ARHGAP26: variants seen among roughly 807,000 people sequenced by gnomAD.
ARHGAP26 encodes rho GTPase-activating protein 26.
In ARHGAP26, 38 loss-of-function variants were observed where a neutral mutation model predicts 104.8. That is an observed-to-expected ratio of 0.36 (90% confidence interval 0.28 to 0.48). The LOEUF is 0.48. Ranked by LOEUF, ARHGAP26 falls within the 20% of genes least tolerant of loss-of-function variation. ARHGAP26 has a pLI of 0.99. For synonymous variants in ARHGAP26, 341 were observed against 340.0 expected (o/e 1.00, Z -0.03); for missense variants, 704 against 947.9 (o/e 0.74, Z 3.38).
intron 17 of ARHGAP26, among the ~76,000 whole-genome samples, chr5:143,114,925 G>A (rs748103170): frequency 3.9e-5 from 6 of 152,186 alleles, no homozygotes; most frequent in Non-Finnish European, 7.3e-5. Flanking sequence ...GGGCAGGCTA[G>A]GGGCATGATG....
At chr5:142,841,521 C>G (rs1770796173) in intron 1 of ARHGAP26, among the ~76,000 whole-genome samples, 1 of 152,210 alleles carries the variant, frequency 6.6e-6, no homozygotes, top group Non-Finnish European at 1.5e-5. Context: ...GAATCCTTTA[C>G]CCTAGCTGGA....
chr5:142,998,352 G>C (rs551189683), intron 11 of ARHGAP26, among the ~76,000 whole-genome samples: 11 of 152,150 alleles, frequency 7.2e-5, no homozygotes, highest in African/African-American at 2.7e-4. Context: ...TATCAAGCAC[G>C]ATAGGAAAGG....
chr5:143,088,579 A>T (rs1790937785), intron 17 of ARHGAP26, among the ~76,000 whole-genome samples: 1 of 152,226 alleles, frequency 6.6e-6, no homozygotes, highest in South Asian at 2.1e-4. Flanking sequence ...GACTGAAAAA[A>T]ACTCATGATA....
intron 11 of ARHGAP26, among the ~76,000 whole-genome samples, chr5:142,968,462 C>G (rs1771746458): frequency 6.6e-6 from 1 of 152,084 alleles, no homozygotes; most frequent in African/African-American, 2.4e-5. Context: ...TTTTAACATA[C>G]AAATATTAGA....
intron 1 of ARHGAP26, among the ~76,000 whole-genome samples, chr5:142,839,422 T>C (rs1770289234): frequency 6.6e-6 from 1 of 152,220 alleles, no homozygotes; most frequent in African/African-American, 2.4e-5. Flanking sequence ...AGCGGTCATA[T>C]AACTTGCCCA....
intron 20 of ARHGAP26, among the ~76,000 whole-genome samples, chr5:143,202,078 C>T (rs1241121313): frequency 1.3e-5 from 2 of 152,160 alleles, no homozygotes; most frequent in Non-Finnish European, 2.9e-5. Flanking sequence ...TAAGAACTTG[C>T]TTTATGAATC....
At position 142,938,774 on chromosome 5, in the gene ARHGAP26, G is replaced by C. The variant is rs75802859; in HGVS notation, c.1107+6649G>C. Among the ~76,000 whole-genome samples the C allele has an allele frequency of 1.0e-2, 1,522 of 152,252 alleles. 22 individuals are homozygous for C. Among genetic ancestry groups the C allele is most frequent in the African/African-American group, 0.035 (1,438 of 41,540 alleles). On this transcript the variant is annotated intron_variant, in intron 11 of 22. Coordinates refer to ENST00000645722, the MANE Select transcript of ARHGAP26 (RefSeq NM_001135608.3). ...CCATATATCCCCTTAGCTGTGATTAGTGGTGTCTTTCTGCAACTGCTTATA... is the reference window on the plus strand; with the variant it reads ...CCATATATCCCCTTAGCTGTGATTACTGGTGTCTTTCTGCAACTGCTTATA...
chr5:142,956,381 G>T (rs980338492), intron 11 of ARHGAP26, among the ~76,000 whole-genome samples: 1 of 152,074 alleles, frequency 6.6e-6, no homozygotes, highest in Non-Finnish European at 1.5e-5. Flanking sequence ...TTCAAGACCA[G>T]ACTGGACAAC....
chr5:143,095,748 T>G (rs531992517), intron 17 of ARHGAP26, among the ~76,000 whole-genome samples: 128 of 152,336 alleles, frequency 8.4e-4, no homozygotes, highest in African/African-American at 3.0e-3. Flanking sequence ...AATTTTTGTA[T>G]TTTTGGTAGA....
chr5:143,072,467 C>A (rs956420768), intron 17 of ARHGAP26, among the ~76,000 whole-genome samples: 12 of 152,274 alleles, frequency 7.9e-5, no homozygotes, highest in African/African-American at 2.6e-4. Context: ...GTTTCTTGCA[C>A]CACTATTCAT....
chr5:142,801,294 T>C (rs1020467479), intron 1 of ARHGAP26, among the ~76,000 whole-genome samples: 2 of 152,218 alleles, frequency 1.3e-5, no homozygotes, highest in African/African-American at 4.8e-5. Flanking sequence ...AGTGCTGCAC[T>C]GTGGGATAAT....
At chr5:143,048,149 A>G (rs1784483846) in intron 14 of ARHGAP26, among the ~76,000 whole-genome samples, 2 of 151,376 alleles carry the variant, frequency 1.3e-5, no homozygotes. Flanking sequence ...CGCACCTGGC[A>G]GTGTGTTCCT....
intron 19 of ARHGAP26, among the ~76,000 whole-genome samples, chr5:143,143,161 G>T (rs890928428): frequency 6.0e-4 from 92 of 152,098 alleles, no homozygotes; most frequent in Non-Finnish European, 1.2e-3. Context: ...TCCCATGCAT[G>T]GGGGGAAACC....
chr5:143,004,016 A>AC (rs1181321286), intron 11 of ARHGAP26, among the ~76,000 whole-genome samples: 2 of 42,840 alleles, frequency 4.7e-5, no homozygotes, highest in Admixed American at 2.7e-4. Flanking sequence ...AAATTTATAG[A>AC]CAAAAAAAAA....
chr5:143,060,458 G>A (rs948255954), intron 17 of ARHGAP26, among the ~76,000 whole-genome samples: 1 of 152,044 alleles, frequency 6.6e-6, no homozygotes, highest in Non-Finnish European at 1.5e-5. Context: ...AGTATTGGGT[G>A]GGGGGAAGGA....
At chr5:143,037,839 A>G (rs1404439749) in intron 13 of ARHGAP26, among the ~76,000 whole-genome samples, 1 of 152,168 alleles carries the variant, frequency 6.6e-6, no homozygotes, top group African/African-American at 2.4e-5. Context: ...TCTCTGGCAG[A>G]CATCTTGGGG....
chr5:142,800,272 G>T (rs1329863425), intron 1 of ARHGAP26, among the ~76,000 whole-genome samples: 1 of 152,034 alleles, frequency 6.6e-6, no homozygotes, highest in Non-Finnish European at 1.5e-5. Context: ...GTTCTTTAGT[G>T]ACTCATTGGA....
intron 19 of ARHGAP26, among the ~76,000 whole-genome samples, chr5:143,141,993 G>T (rs560875904): frequency 1.3e-5 from 2 of 152,116 alleles, no homozygotes; most frequent in Admixed American, 1.3e-4. Context: ...AAAGAAAAGG[G>T]TTATTACAGG....
At chr5:143,125,294 G>A (rs1468108574) in intron 18 of ARHGAP26, among the ~76,000 whole-genome samples, 1 of 152,140 alleles carries the variant, frequency 6.6e-6, no homozygotes, top group East Asian at 1.9e-4. Context: ...AGGGTTAATA[G>A]TGAACATGAT....
Sources: gnomAD v4.1 joint callset for allele counts (sites outside exome capture counted in the v4.1 genomes callset) on GRCh38, gnomAD v4.1.1 for gene constraint, MANE v1.5 for transcripts, NCBI Gene and HGNC (gene_info 2026-07-23, HGNC 2026-07-21) for gene names.